The following DSCAM variants were observed in gnomAD, a reference collection of about 807,000 sequenced individuals.
DSCAM encodes the protein DS cell adhesion molecule.
A neutral mutation model predicts 217.7 loss-of-function variants in DSCAM; 47 were observed. That is an observed-to-expected ratio of 0.22 (90% CI 0.17 to 0.28). The LOEUF (loss-of-function observed/expected upper bound fraction) is 0.28, where lower values mean the gene tolerates loss of function less well. Ranked by LOEUF, DSCAM falls within the 10% of genes least tolerant of loss-of-function variation. DSCAM has a pLI of 1.00. For missense variants in DSCAM, 2,080 were observed against 2,618.3 expected (o/e 0.79, Z 4.49); for synonymous variants, 1,056 against 1,015.3 (o/e 1.04, Z -0.76).
At chr21:40,205,283 T>G (rs1275721440) in intron 11 of DSCAM, among the ~76,000 whole-genome samples, 1 of 152,150 alleles carries the variant, frequency 6.6e-6, no homozygotes, top group Non-Finnish European at 1.5e-5. Context: ...TTAGCAGGTT[T>G]CATTCACTGC....
intron 3 of DSCAM, among the ~76,000 whole-genome samples, chr21:40,648,979 C>A (rs966103734): frequency 6.6e-6 from 1 of 152,174 alleles, no homozygotes; most frequent in Non-Finnish European, 1.5e-5. Flanking sequence ...CCTCCAATGG[C>A]AGGCCCGGGG....
At chr21:40,028,459 CTTGCAGT>C (rs928520260) in intron 32 of DSCAM, among the ~76,000 whole-genome samples, 1 of 151,910 alleles carries the variant, frequency 6.6e-6, no homozygotes, top group Non-Finnish European at 1.5e-5. Flanking sequence ...TGGCTGCCAC[CTTGCAGT>C]TTGATCTCAG....
In DSCAM at chr21:40,150,997, T is replaced by C. The variant is rs75957091; in HGVS notation, c.3019-6266A>G. On this transcript the variant is annotated intron_variant, in intron 16 of 32. Transcript: ENST00000400454. ...CTGGAAACATATTTTGAATCTGAGTTGCATAATATTGGAGAAGACAAATTT... is the reference window on the plus strand; with the variant it reads ...CTGGAAACATATTTTGAATCTGAGTCGCATAATATTGGAGAAGACAAATTT... Among the ~76,000 whole-genome samples the C allele has an allele frequency of 7.3e-3, 1,104 of 152,176 alleles. 18 individuals are homozygous for C. Among genetic ancestry groups the C allele is most frequent in the African/African-American group, 0.025 (1,054 of 41,518 alleles).
intron 3 of DSCAM, among the ~76,000 whole-genome samples, chr21:40,548,052 C>T (rs1354400475): frequency 2.0e-5 from 3 of 152,118 alleles, no homozygotes; most frequent in Non-Finnish European, 2.9e-5. Context: ...TGCGGAGGAG[C>T]GGGGAGAGAG....
intron 29 of DSCAM, among the ~76,000 whole-genome samples, chr21:40,055,248 C>A (rs2146504267): frequency 6.6e-6 from 1 of 152,276 alleles, no homozygotes; most frequent in East Asian, 1.9e-4. Flanking sequence ...GGAAGATACC[C>A]TGTACAAAGA....
chr21:40,049,213 C>A (rs1164144594), intron 30 of DSCAM, among the ~76,000 whole-genome samples: 1 of 152,162 alleles, frequency 6.6e-6, no homozygotes, highest in South Asian at 2.1e-4. Context: ...TCTCAGCACT[C>A]TCAGAATGAA....
intron 9 of DSCAM, among the ~76,000 whole-genome samples, chr21:40,301,574 TGAGGC>T (rs1476702126): frequency 6.6e-6 from 1 of 152,228 alleles, no homozygotes; most frequent in Admixed American, 6.5e-5. Flanking sequence ...AGTGCTTCTC[TGAGGC>T]CTTAATTACT....
chr21:40,678,105 T>C (rs1010147), intron 3 of DSCAM, among the ~76,000 whole-genome samples: 22,278 of 152,198 alleles, frequency 0.15, 1,694 homozygotes, highest in East Asian at 0.23. Flanking sequence ...TATTTCAAAA[T>C]GAATCATTTT....
chr21:40,177,015 A>G (rs1452271420), intron 15 of DSCAM, among the ~76,000 whole-genome samples: 1 of 152,224 alleles, frequency 6.6e-6, no homozygotes, highest in Non-Finnish European at 1.5e-5. Flanking sequence ...TGTTTTCCCG[A>G]GGAGGTGGCT....
intron 3 of DSCAM, among the ~76,000 whole-genome samples, chr21:40,430,499 A>C (rs1208859586): frequency 6.6e-6 from 1 of 152,186 alleles, no homozygotes; most frequent in East Asian, 1.9e-4. Flanking sequence ...CCTGCTCTCG[A>C]ACATTAGACT....
chr21:40,109,368 T>C (rs1343377078), intron 20 of DSCAM, among the ~76,000 whole-genome samples: 2 of 152,222 alleles, frequency 1.3e-5, no homozygotes, highest in Non-Finnish European at 2.9e-5. Flanking sequence ...AAAGAGAACC[T>C]ACATGCAGCC....
In DSCAM at chr21:40,747,796, A is replaced by G. The variant is rs977669286; in HGVS notation, c.44-39025T>C. ...AGGAAGCTATAGGCCAATATTCCTG[A>G]TGAATACAGATGCAAAAAATCCTCA... On this transcript the variant is annotated intron_variant, in intron 1 of 32. Coordinates refer to ENST00000400454, the MANE Select transcript of DSCAM (RefSeq NM_001389.5). 4.6e-5 allele frequency among the ~76,000 whole-genome samples: 7 copies of G among 152,092 alleles called. No individual in the cohort carries two copies. In the East Asian group the frequency reaches 1.4e-3, roughly 29 times the overall value.
intron 3 of DSCAM, among the ~76,000 whole-genome samples, chr21:40,602,445 T>G (rs1428881306): frequency 6.6e-6 from 1 of 152,204 alleles, no homozygotes; most frequent in African/African-American, 2.4e-5. Context: ...GTGCAAACAC[T>G]GGTGCCTGAT....
chr21:40,445,664 T>A (rs1231305252), intron 3 of DSCAM, among the ~76,000 whole-genome samples: 1 of 152,124 alleles, frequency 6.6e-6, no homozygotes, highest in Non-Finnish European at 1.5e-5. Context: ...CCTCTGAAAA[T>A]CCAGTTAGGA....
chr21:40,087,139 C>T (rs1452695562), intron 22 of DSCAM, 31 bp downstream of exon 22: 2 of 1,457,986 alleles, frequency 1.4e-6, no homozygotes, highest in Non-Finnish European at 1.9e-6. Flanking sequence ...CTTAGAGTCT[C>T]ACTGAAGGCA....
intron 3 of DSCAM, among the ~76,000 whole-genome samples, chr21:40,645,874 A>C (rs1601818669): frequency 6.6e-6 from 1 of 152,244 alleles, no homozygotes. Context: ...TAAATTATTT[A>C]AACTGTCTTG....
chr21:40,083,786 T>C lies in DSCAM; in HGVS notation c.4231+122A>G, dbSNP rs1425663058. Reference sequence around the variant, plus strand: ...TCTTAGGTAATGGAGGGATTGTTTATATGACGTATTTTTGGGGGAGAATAA... The same window carrying C: ...TCTTAGGTAATGGAGGGATTGTTTACATGACGTATTTTTGGGGGAGAATAA... On this transcript the variant is annotated intron_variant, in intron 24 of 32. Transcript: ENST00000400454. The C allele has an allele frequency of 6.4e-6, 4 of 622,654 alleles. No individual in the cohort carries two copies. In the East Asian group the frequency reaches 9.6e-5, roughly 15 times the overall value. The allele number at this position is 622,654 out of a possible 1,614,324, so 38.6% of individuals were successfully genotyped here. A position where few individuals can be genotyped will look rare whatever the true frequency, so the allele number is the denominator to read the frequency against.
At chr21:40,628,318 T>C (rs1203090386) in intron 3 of DSCAM, among the ~76,000 whole-genome samples, 1 of 152,144 alleles carries the variant, frequency 6.6e-6, no homozygotes, top group Non-Finnish European at 1.5e-5. Context: ...TGAGAGAACT[T>C]TGACAAATGA....
chr21:40,022,295 C>T (rs980313131), intron 32 of DSCAM, among the ~76,000 whole-genome samples: 1 of 152,106 alleles, frequency 6.6e-6, no homozygotes, highest in African/African-American at 2.4e-5. Flanking sequence ...GGTCAGAGGC[C>T]AGGGGTGCTG....
Sources: allele counts gnomAD v4.1 joint callset (sites outside exome capture counted in the v4.1 genomes callset), GRCh38; gene constraint gnomAD v4.1.1; transcripts MANE v1.5; gene names NCBI Gene and HGNC (gene_info 2026-07-23, HGNC 2026-07-21).